Variants in SLC9C1 observed in about 807,000 individuals in gnomAD.
SLC9C1 encodes the protein solute carrier family 9 member C1, also known as sodium/hydrogen exchanger 10.
A neutral mutation model predicts 140.9 loss-of-function variants in SLC9C1; 97 were observed. The ratio of observed to expected loss-of-function variants is 0.69; its 90% CI spans 0.58 to 0.82. SLC9C1 has a LOEUF of 0.82. Ranked by LOEUF, SLC9C1 falls within the 40% of genes least tolerant of loss-of-function variation. The probability of loss-of-function intolerance (pLI) is 0.00; values close to 1 mark genes in which losing one functional copy is unlikely to be tolerated. For missense variants in SLC9C1, 1,340 were observed against 1,389.3 expected, an observed-to-expected ratio of 0.96 and a Z score of 0.56; for synonymous variants, 440 against 442.6, an observed-to-expected ratio of 0.99 and a Z score of 0.07.
intron 14 of SLC9C1, among the ~76,000 whole-genome samples, chr3:112,219,139 G>T (rs2078470975): frequency 6.6e-6 from 1 of 152,162 alleles, no homozygotes. Context: ...TGTGCTCAAA[G>T]TATTATTTTT....
chr3:112,197,645 T>C (rs1416586960), intron 20 of SLC9C1, among the ~76,000 whole-genome samples: 1 of 152,140 alleles, frequency 6.6e-6, no homozygotes, highest in Non-Finnish European at 1.5e-5. Context: ...AATAGTTACA[T>C]CAGACAGATT....
At chr3:112,217,667 A>G in intron 14 of SLC9C1, 106 bp from the exon 15 acceptor site, 3 of 1,004,260 alleles carry the variant, frequency 3.0e-6, no homozygotes, top group Non-Finnish European at 2.7e-6. Context: ...TGCACAAAAC[A>G]GGAAGACTAT....
chr3:112,193,308 CTATT>C (rs1051050733), intron 20 of SLC9C1, among the ~76,000 whole-genome samples: 1 of 152,098 alleles, frequency 6.6e-6, no homozygotes, highest in African/African-American at 2.4e-5. Flanking sequence ...GGGCATGCGA[CTATT>C]TAGCTGGCTT....
Position 112,294,097 on chromosome 3 carries a change from C to G in SLC9C1, c.-92G>C, listed in dbSNP as rs2080767118. The G allele has an allele frequency of 6.6e-6, 1 of 152,156 alleles. No homozygotes were observed. The highest frequency in any genetic ancestry group is 2.4e-5 in the African/African-American group (1 of 41,414). The allele number at this position is 152,156 out of a possible 1,614,324, so 9.4% of individuals were successfully genotyped here. On this transcript the variant is annotated 5_prime_UTR_variant, in exon 1 of 29. Transcript: ENST00000305815. ...ACTAGAGACTGGAGAGCTCACCATCCGGAGCCTCAGGAGGAGTATCCCGTG... is the reference window on the plus strand; with the variant it reads ...ACTAGAGACTGGAGAGCTCACCATCGGGAGCCTCAGGAGGAGTATCCCGTG...
chr3:112,241,484 G>T (rs1056235660), intron 11 of SLC9C1, among the ~76,000 whole-genome samples: 2 of 152,156 alleles, frequency 1.3e-5, no homozygotes, highest in Non-Finnish European at 2.9e-5. Flanking sequence ...CATGCTCATG[G>T]ATTGAAAGAA....
In SLC9C1 at chr3:112,179,806, A is replaced by G. The variant is rs975863399; in HGVS notation, c.2749-105T>C. On this transcript the variant is annotated intron_variant, in intron 22 of 28. Transcript: ENST00000305815. ...TTTGGTTTGAACAATTCTAATATTT[A>G]CATATTGTCTTGAGAATAAATATTT... 7.3e-6 allele frequency: 6 copies of G among 820,940 alleles called. No homozygotes were observed. In the South Asian group the frequency reaches 1.6e-4, roughly 22 times the overall value. The allele number at this position is 820,940 out of a possible 1,614,324, so 50.9% of individuals were successfully genotyped here.
At chr3:112,266,424 G>T in intron 7 of SLC9C1, 84 bp from the exon 8 acceptor site, 1 of 1,037,200 alleles carries the variant, frequency 9.6e-7, no homozygotes, top group Non-Finnish European at 1.4e-6. Flanking sequence ...AGTATCAGAT[G>T]TTGTGACAGT....
chr3:112,256,817 A>G (rs375344392), intron 10 of SLC9C1, among the ~76,000 whole-genome samples: 5 of 152,044 alleles, frequency 3.3e-5, no homozygotes, highest in African/African-American at 1.2e-4. Context: ...AGAAAACCCC[A>G]TAGTTGGCCC....
Position 112,169,862 on chromosome 3 carries a change from T to C in SLC9C1, c.2920-534A>G, listed in dbSNP as rs188504764. Among the ~76,000 whole-genome samples the C allele has an allele frequency of 2.8e-3, 433 of 152,288 alleles. 4 individuals carry two copies. The highest frequency in any genetic ancestry group is 9.7e-3 in the African/African-American group (405 of 41,562). On this transcript the variant is annotated intron_variant, in intron 23 of 28. Coordinates refer to ENST00000305815, the MANE Select transcript of SLC9C1 (RefSeq NM_183061.3). Reference sequence around the variant, plus strand: ...TACTAATTCTTCTGATCCATGAGCATAGGATGTTTTTCATTTGTTTGTGTC... The same window carrying C: ...TACTAATTCTTCTGATCCATGAGCACAGGATGTTTTTCATTTGTTTGTGTC...
rs554465238 is a variant in SLC9C1, at chr3:112,206,736, C to T, written c.1986+1442G>A. On this transcript the variant is annotated intron_variant, in intron 16 of 28. Coordinates refer to ENST00000305815, the MANE Select transcript of SLC9C1 (RefSeq NM_183061.3). Reference sequence around the variant, plus strand: ...GAAACCATCATTCTGAGCAAACTATCACAAGGACAGAAAACCAAACACCAC... The same window carrying T: ...GAAACCATCATTCTGAGCAAACTATTACAAGGACAGAAAACCAAACACCAC... 2.8e-3 allele frequency among the ~76,000 whole-genome samples: 417 copies of T among 151,338 alleles called. 3 individuals are homozygous for T. Among genetic ancestry groups the T allele is most frequent in the African/African-American group, 9.6e-3 (393 of 40,960 alleles).
chr3:112,204,536 C>A, intron 16 of SLC9C1, 133 bp from the exon 17 acceptor site: 2 of 801,284 alleles, frequency 2.5e-6, no homozygotes, highest in Non-Finnish European at 3.7e-6. Context: ...CTCAGGAAAC[C>A]AAAATCAAAC....
At chr3:112,141,991 C>T (rs754389286) in intron 28 of SLC9C1, among the ~76,000 whole-genome samples, 15 of 152,136 alleles carry the variant, frequency 9.9e-5, no homozygotes, top group Non-Finnish European at 1.9e-4. Flanking sequence ...TAGACAATCT[C>T]GTTGTTAGAC....
chr3:112,160,136 CTCTT>C (rs764984568), intron 26 of SLC9C1, among the ~76,000 whole-genome samples: 3 of 151,378 alleles, frequency 2.0e-5, no homozygotes, highest in South Asian at 2.1e-4. Context: ...TGTAACTATT[CTCTT>C]TCTTTCTTCC....
chr3:112,221,200 T>A lies in SLC9C1; in HGVS notation c.1598A>T (p.Asn533Ile), dbSNP rs761787595. 1.2e-6 allele frequency: 2 copies of A among 1,613,566 alleles called. No homozygotes were observed. The highest frequency in any genetic ancestry group is 1.7e-6 in the Non-Finnish European group (2 of 1,179,672). ...QIASYQRQYR[N>I]EILSQSAVQV... ...GACAGCACTCTGGGACAGAATCTCATTCCTGTATTGTCTCTGGTAGCTTGC... is the reference window on the plus strand; with the variant it reads ...GACAGCACTCTGGGACAGAATCTCAATCCTGTATTGTCTCTGGTAGCTTGC... Residue 533 changes from asparagine to isoleucine, a missense_variant, in exon 14 of 29, where the codon AAT becomes ATT. Transcript: ENST00000305815.
At chr3:112,216,010 A>G (rs1174538304) in intron 15 of SLC9C1, among the ~76,000 whole-genome samples, 3 of 152,208 alleles carry the variant, frequency 2.0e-5, no homozygotes, top group Non-Finnish European at 2.9e-5. Flanking sequence ...AAACAGAGAT[A>G]TAGACGAATG....
At chr3:112,233,050 C>CACACATAT (rs1326383624) in intron 12 of SLC9C1, among the ~76,000 whole-genome samples, 20 of 86,626 alleles carry the variant, frequency 2.3e-4, no homozygotes, top group African/African-American at 7.1e-4. Flanking sequence ...CACACACACA[C>CACACATAT]ATATATATAT....
intron 22 of SLC9C1, among the ~76,000 whole-genome samples, chr3:112,180,269 C>T (rs2077414005): frequency 4.6e-5 from 7 of 152,190 alleles, no homozygotes; most frequent in Admixed American, 4.6e-4. Flanking sequence ...CGCCTGTAAC[C>T]CCAGCACTTT....
intron 12 of SLC9C1, among the ~76,000 whole-genome samples, chr3:112,236,194 T>G (rs2078981249): frequency 6.6e-6 from 1 of 152,214 alleles, no homozygotes. Context: ...TGGTTTAGTC[T>G]TGGGAGGGTG....
At chr3:112,292,694 C>T (rs1277723906) in intron 1 of SLC9C1, among the ~76,000 whole-genome samples, 1 of 151,966 alleles carries the variant, frequency 6.6e-6, no homozygotes, top group Non-Finnish European at 1.5e-5. Context: ...CAGGCGCCAG[C>T]CACCACGCCC....
Sources: gnomAD v4.1 joint callset for allele counts (sites outside exome capture counted in the v4.1 genomes callset) on GRCh38, gnomAD v4.1.1 for gene constraint, MANE v1.5 for transcripts, NCBI Gene and HGNC (gene_info 2026-07-23, HGNC 2026-07-21) for gene names.